Variants in TNFRSF10C observed in about 807,000 individuals in gnomAD.
TNFRSF10C encodes the protein TNF receptor superfamily member 10c, also known as tumor necrosis factor receptor superfamily member 10C.
In TNFRSF10C, 17 loss-of-function variants were observed where a neutral mutation model predicts 16.7. That is an observed-to-expected ratio of 1.02 (90% CI 0.70 to 1.53). TNFRSF10C has a LOEUF of 1.53. TNFRSF10C is among the 40% of genes most tolerant of loss of function. The probability of loss-of-function intolerance (pLI) is 0.00; values close to 1 mark genes in which losing one functional copy is unlikely to be tolerated. For synonymous variants in TNFRSF10C, 73 were observed against 119.7 expected (o/e 0.61, Z 2.55); for missense variants, 237 against 329.7 (o/e 0.72, Z 2.18).
At chr8:23,105,792 A>T (rs1339810757) in intron 1 of TNFRSF10C, among the ~76,000 whole-genome samples, 1 of 152,212 alleles carries the variant, frequency 6.6e-6, no homozygotes. Flanking sequence ...GCCGTTGGGC[A>T]GCTGGTATCC....
chr8:23,116,597 G>T (rs1411643135), intron 4 of TNFRSF10C, 44 bp from the exon 5 acceptor site: 1 of 1,584,940 alleles, frequency 6.3e-7, no homozygotes, highest in Non-Finnish European at 8.6e-7. Context: ...CACCTGGCTA[G>T]CTTTCCCTCA....
chr8:23,111,366 G>A (rs1585247681), intron 1 of TNFRSF10C, among the ~76,000 whole-genome samples: 1 of 152,128 alleles, frequency 6.6e-6, no homozygotes. Context: ...ACAGGTGTGT[G>A]CCACCACACC....
In TNFRSF10C at chr8:23,115,631, A is replaced by G. The variant is rs1207766143; in HGVS notation, c.389+15A>G. On this transcript the variant is annotated intron_variant, in intron 4 of 4. Coordinates refer to ENST00000356864, the MANE Select transcript of TNFRSF10C (RefSeq NM_003841.5). ...AAGTGTAGCAGGTGAGACAGCAGTC[A>G]GGGGCTCCTGACAGCTTTCAGGAAC... 1 of 1,607,572 alleles carries G rather than the reference A, an allele frequency of 6.2e-7. No individual in the cohort carries two copies. Among genetic ancestry groups the G allele is most frequent in the East Asian group, 2.2e-5 (1 of 44,808 alleles).
rs1029289433 is a variant in TNFRSF10C at position 23,117,179 on chromosome 8, G to A, written c.*148G>A. 4 of 1,237,210 alleles carry A rather than the reference G, an allele frequency of 3.2e-6. No individual in the cohort carries two copies. The African/African-American group carries it at 4.5e-5, about 14-fold the overall frequency. 76.6% of individuals were successfully genotyped at this position (1,237,210 alleles called of 1,614,324 possible). Reference sequence around the variant, plus strand: ...ACGCCTGCCCCTGCCCCAAGTCCTGGTGTCTCCAGCCTGGCTCTATCTTCC... The same window carrying A: ...ACGCCTGCCCCTGCCCCAAGTCCTGATGTCTCCAGCCTGGCTCTATCTTCC... On this transcript the variant is annotated 3_prime_UTR_variant, in exon 5 of 5. Transcript: ENST00000356864.
chr8:23,109,514 G>A (rs1563343348), intron 1 of TNFRSF10C, among the ~76,000 whole-genome samples: 1 of 151,900 alleles, frequency 6.6e-6, no homozygotes, highest in Non-Finnish European at 1.5e-5. Flanking sequence ...GCGGGCACCT[G>A]TAGTCCCAGT....
rs975267376 is a variant in TNFRSF10C at position 23,117,226 on chromosome 8, C to A, written c.*195C>A. The A allele has an allele frequency of 3.6e-6, 3 of 834,808 alleles. No individual in the cohort carries two copies. In the South Asian group the frequency reaches 5.3e-5, roughly 15 times the overall value. The allele number at this position is 834,808 out of a possible 1,614,324, so 51.7% of individuals were successfully genotyped here. A position where few individuals can be genotyped will look rare whatever the true frequency, so the allele number is the denominator to read the frequency against. ...TTCCTCCTTGTGATCGTCCCATCCC[C>A]ACATCCCGTGCACCCCCCAGGACCC... On this transcript the variant is annotated 3_prime_UTR_variant, in exon 5 of 5. Coordinates refer to ENST00000356864, the MANE Select transcript of TNFRSF10C (RefSeq NM_003841.5).
rs754666961 is a variant in TNFRSF10C at position 23,115,590 on chromosome 8, C to T, written c.363C>T (p.Ser121=). 5 of 1,613,614 alleles carry T rather than the reference C, an allele frequency of 3.1e-6. No individual in the cohort carries two copies. In the African/African-American group the frequency reaches 4.0e-5, roughly 13 times the overall value. ...CKEGTFRNEN[S]PEMCRKCSRC... Reference sequence around the variant, plus strand: ...AAGGCACCTTCCGGAATGAAAACTCCCCAGAGATGTGCCGGAAGTGTAGCA... The same window carrying T: ...AAGGCACCTTCCGGAATGAAAACTCTCCAGAGATGTGCCGGAAGTGTAGCA... The change falls in exon 4 of 5, where the codon TCC becomes TCT. Residue 121 remains serine (S), a synonymous_variant. Coordinates refer to ENST00000356864, the MANE Select transcript of TNFRSF10C (RefSeq NM_003841.5).
chr8:23,108,107 T>C (rs545732132), intron 1 of TNFRSF10C, among the ~76,000 whole-genome samples: 1 of 151,900 alleles, frequency 6.6e-6, no homozygotes, highest in East Asian at 1.9e-4. Flanking sequence ...GAAGCAGAGA[T>C]GGAGGCAAGT....
intron 2 of TNFRSF10C, among the ~76,000 whole-genome samples, chr8:23,112,119 G>C (rs1222798426): frequency 1.3e-5 from 2 of 151,572 alleles, no homozygotes; most frequent in Non-Finnish European, 2.9e-5. Context: ...ACAAACCACA[G>C]ATCAAAAATA....
chr8:23,104,160 T>A (rs1813726875), intron 1 of TNFRSF10C, among the ~76,000 whole-genome samples: 1 of 152,352 alleles, frequency 6.6e-6, no homozygotes, highest in East Asian at 1.9e-4. Context: ...GAAGAGAGAA[T>A]GCATGGATGA....
chr8:23,109,454 G>A (rs748198085), intron 1 of TNFRSF10C, among the ~76,000 whole-genome samples: 29 of 151,874 alleles, frequency 1.9e-4, no homozygotes, highest in Admixed American at 3.9e-4. Flanking sequence ...TGGCTAACAC[G>A]GTGAAACCCT....
chr8:23,117,343 C>G lies in TNFRSF10C; in HGVS notation c.*312C>G, dbSNP rs1814012109. The stretch of plus-strand genomic sequence containing the variant: ...GGGCCAGTTCCTCCCATCTTCAGGC[C>G]CAGCCAGGCAGGGGGCAGTCGGCTC... On this transcript the variant is annotated 3_prime_UTR_variant, in exon 5 of 5. Coordinates refer to ENST00000356864, the MANE Select transcript of TNFRSF10C (RefSeq NM_003841.5). The G allele has an allele frequency of 6.4e-6, 3 of 468,546 alleles. No homozygotes were observed. The highest frequency in any genetic ancestry group is 1.9e-5 in the African/African-American group (1 of 51,800). 29.0% of individuals were successfully genotyped at this position (468,546 alleles called of 1,614,324 possible).
chr8:23,105,945 T>C lies in TNFRSF10C; in HGVS notation c.60+2764T>C, dbSNP rs148373527. Among the ~76,000 whole-genome samples, 20 of 152,330 alleles carry C rather than the reference T, an allele frequency of 1.3e-4. 1 individual carries two copies. In the East Asian group the frequency reaches 3.5e-3, roughly 26 times the overall value. On this transcript the variant is annotated intron_variant, in intron 1 of 4. Transcript: ENST00000356864. Reference sequence around the variant, plus strand: ...TCTCTGAGCAGCTGCTTCTCTGATCTCTGTCCTGCCCTTGGCCTCTGGGAG... The same window carrying C: ...TCTCTGAGCAGCTGCTTCTCTGATCCCTGTCCTGCCCTTGGCCTCTGGGAG...
Position 23,116,681 on chromosome 8 carries a change from T to TG in TNFRSF10C, c.433dup (p.Asp145GlyfsTer2), listed in dbSNP as rs1233684086. The TG allele has an allele frequency of 6.2e-7, 1 of 1,614,126 alleles. No individual in the cohort carries two copies. Among genetic ancestry groups the TG allele is most frequent in the Non-Finnish European group, 8.5e-7 (1 of 1,180,042 alleles). The stretch of plus-strand genomic sequence containing the variant: ...AGTCCAAGTCAGTAATTGTACGTCC[T>TG]GGGATGATATCCAGTGTGTTGAAGA... On this transcript the variant is annotated frameshift_variant, in exon 5 of 5. Coordinates refer to ENST00000356864, the MANE Select transcript of TNFRSF10C (RefSeq NM_003841.5). LOFTEE classifies it low-confidence loss of function (END_TRUNC).
chr8:23,114,596 C>T (rs1813940521), intron 2 of TNFRSF10C, 61 bp from the exon 3 acceptor site: 1 of 1,401,116 alleles, frequency 7.1e-7, no homozygotes, highest in Non-Finnish European at 1.0e-6. Context: ...GTTTCCCCAC[C>T]ACTGTCAGCC....
chr8:23,108,418 G>A (rs1459095183), intron 1 of TNFRSF10C, among the ~76,000 whole-genome samples: 1 of 152,172 alleles, frequency 6.6e-6, no homozygotes, highest in African/African-American at 2.4e-5. Flanking sequence ...GCTGTAACCA[G>A]TTATTACTTT....
At chr8:23,114,488 G>A (rs1473821273) in intron 2 of TNFRSF10C, 169 bp from the exon 3 acceptor site, 2 of 477,808 alleles carry the variant, frequency 4.2e-6, no homozygotes, top group Admixed American at 7.4e-5. Flanking sequence ...TGTCAGCAGT[G>A]CCAGTCAAAG....
chr8:23,106,045 C>G (rs1407961200), intron 1 of TNFRSF10C, among the ~76,000 whole-genome samples: 1 of 152,136 alleles, frequency 6.6e-6, no homozygotes, highest in African/African-American at 2.4e-5. Context: ...GCCACAACTG[C>G]GCGCACTTCA....
At chr8:23,112,203 T>C (rs1170193805) in intron 2 of TNFRSF10C, among the ~76,000 whole-genome samples, 1 of 152,240 alleles carries the variant, frequency 6.6e-6, no homozygotes, top group Non-Finnish European at 1.5e-5. Context: ...CTTATTTACA[T>C]AGCATGTCTA....
Sources: allele counts gnomAD v4.1 joint callset (sites outside exome capture counted in the v4.1 genomes callset), GRCh38; gene constraint gnomAD v4.1.1; transcripts MANE v1.5; gene names NCBI Gene and HGNC (gene_info 2026-07-23, HGNC 2026-07-21).